Variants in TLL1 observed in about 807,000 individuals in gnomAD.
TLL1 encodes the protein tolloid-like protein 1.
Under a neutral mutation model 128.2 loss-of-function variants are expected in TLL1, and 49 were observed. That is an observed-to-expected ratio of 0.38 (90% CI 0.30 to 0.48). The LOEUF (loss-of-function observed/expected upper bound fraction) is 0.48, where lower values mean the gene tolerates loss of function less well. Among genes scored for constraint, TLL1 ranks in the 20% least tolerant of loss-of-function variants. TLL1 has a pLI of 0.96. For synonymous variants in TLL1, 454 were observed against 418.8 expected (o/e 1.08, Z -1.03); for missense variants, 1,123 against 1,242.0 (o/e 0.90, Z 1.44).
At chr4:165,986,428 CT>C (rs58501775) in intron 1 of TLL1, among the ~76,000 whole-genome samples, 9,454 of 150,674 alleles carry the variant, frequency 0.063, 894 homozygotes, top group African/African-American at 0.21. Flanking sequence ...TCTAACGTGC[CT>C]TTTTTTTTCT....
chr4:165,931,746 A>G (rs1397990799), intron 1 of TLL1, among the ~76,000 whole-genome samples: 1 of 151,976 alleles, frequency 6.6e-6, no homozygotes, highest in Non-Finnish European at 1.5e-5. Context: ...AATTGCAATG[A>G]TTAACTTCAG....
intron 1 of TLL1, among the ~76,000 whole-genome samples, chr4:165,960,719 T>C (rs971987390): frequency 7.9e-5 from 12 of 152,146 alleles, no homozygotes; most frequent in Non-Finnish European, 1.2e-4. Context: ...TATATGATCA[T>C]CTCAATAGAT....
chr4:166,074,285 C>CT (rs146029532), intron 16 of TLL1, among the ~76,000 whole-genome samples: 6,336 of 150,866 alleles, frequency 0.042, 195 homozygotes, highest in African/African-American at 0.066. Flanking sequence ...TTAATTATGC[C>CT]TTTTTTCTGC....
At chr4:166,082,498 A>G (rs890490313) in intron 18 of TLL1, among the ~76,000 whole-genome samples, 3 of 152,164 alleles carry the variant, frequency 2.0e-5, no homozygotes, top group Non-Finnish European at 4.4e-5. Context: ...ATTATTGCGT[A>G]TATCAGCCAA....
intron 1 of TLL1, among the ~76,000 whole-genome samples, chr4:165,928,640 CAT>C (rs1335732013): frequency 1.3e-5 from 2 of 152,182 alleles, no homozygotes; most frequent in African/African-American, 4.8e-5. Flanking sequence ...ATTGCTTTAA[CAT>C]ATCAAAAATT....
In TLL1 at chr4:165,954,003, A is replaced by T. The variant is rs189785342; in HGVS notation, c.170-35378A>T. On this transcript the variant is annotated intron_variant, in intron 1 of 20. Coordinates refer to ENST00000061240, the MANE Select transcript of TLL1 (RefSeq NM_012464.5). ...TTTATTTCTTTTCAATTTTACTCTG[A>T]TGGCTGAATTCCTAATTTGGATATT... Among the ~76,000 whole-genome samples the T allele has an allele frequency of 2.1e-3, 326 of 152,170 alleles. 5 individuals carry two copies. The highest frequency in any genetic ancestry group is 6.9e-4 in the Non-Finnish European group (47 of 67,982).
chr4:165,967,894 A>G (rs1008100136), intron 1 of TLL1, among the ~76,000 whole-genome samples: 1 of 152,232 alleles, frequency 6.6e-6, no homozygotes, highest in Non-Finnish European at 1.5e-5. Flanking sequence ...CTTTATATTG[A>G]GTGTATCCTT....
intron 8 of TLL1, among the ~76,000 whole-genome samples, chr4:166,024,731 A>C (rs1738415850): frequency 1.3e-5 from 2 of 152,218 alleles, no homozygotes; most frequent in South Asian, 4.1e-4. Flanking sequence ...CTCAACCGAG[A>C]AAAGTAAATA....
chr4:165,898,097 T>C (rs979476757), intron 1 of TLL1, among the ~76,000 whole-genome samples: 1 of 152,236 alleles, frequency 6.6e-6, no homozygotes, highest in Non-Finnish European at 1.5e-5. Context: ...GAGACTTTGC[T>C]GAAGTTGCTT....
At chr4:166,053,811 T>C (rs931172149) in intron 12 of TLL1, among the ~76,000 whole-genome samples, 1 of 152,190 alleles carries the variant, frequency 6.6e-6, no homozygotes, top group African/African-American at 2.4e-5. Context: ...TTTGATACTT[T>C]TCTTGGTGTT....
intron 18 of TLL1, among the ~76,000 whole-genome samples, chr4:166,089,268 G>C (rs1194124881): frequency 6.6e-6 from 1 of 152,072 alleles, no homozygotes; most frequent in Non-Finnish European, 1.5e-5. Context: ...TTCTCATAGT[G>C]GTTTCCTATC....
At chr4:166,072,483 G>A (rs1740839716) in intron 16 of TLL1, among the ~76,000 whole-genome samples, 1 of 149,544 alleles carries the variant, frequency 6.7e-6, no homozygotes, top group Non-Finnish European at 1.5e-5. Context: ...ATTATTTTTA[G>A]CACAACAAGA....
rs77136500 is a variant in TLL1 at position 165,950,619 on chromosome 4, A to T, written c.170-38762A>T. Among the ~76,000 whole-genome samples the T allele has an allele frequency of 8.8e-3, 1,345 of 152,230 alleles. 21 individuals carry two copies. Among genetic ancestry groups the T allele is most frequent in the African/African-American group, 0.03 (1,250 of 41,548 alleles). ...AACAGAAGGATATGTTAAAAATCTC[A>T]CATATTTGGAAATATTAAATAACGT... On this transcript the variant is annotated intron_variant, in intron 1 of 20. Coordinates refer to ENST00000061240, the MANE Select transcript of TLL1 (RefSeq NM_012464.5).
rs200286109 is a variant in TLL1, at chr4:165,951,876, AT to A, written c.170-37497del. ...GTTAATCTAATTGTAGTTGTTGATA[AT>A]TTTTTTTCTTTTTATAGCAATGTTG... On this transcript the variant is annotated intron_variant, in intron 1 of 20. Transcript: ENST00000061240. 3.3e-3 allele frequency among the ~76,000 whole-genome samples: 498 copies of A among 152,062 alleles called. 5 individuals carry two copies. The highest frequency in any genetic ancestry group is 0.011 in the African/African-American group (447 of 41,492).
At chr4:166,077,328 CA>C (rs1368032366) in intron 17 of TLL1, among the ~76,000 whole-genome samples, 25 of 151,538 alleles carry the variant, frequency 1.6e-4, no homozygotes, top group African/African-American at 5.6e-4. Context: ...GTTCATTTAT[CA>C]TTCCCCTTAG....
chr4:165,899,791 C>G (rs899236949), intron 1 of TLL1, among the ~76,000 whole-genome samples: 2 of 152,122 alleles, frequency 1.3e-5, no homozygotes, highest in Non-Finnish European at 2.9e-5. Flanking sequence ...AATTTTCTGT[C>G]TCGTTGATCT....
rs746555814 is a variant in TLL1 at position 165,873,998 on chromosome 4, G to C, written c.94G>C (p.Asp32His). The C allele has an allele frequency of 6.2e-7, 1 of 1,614,130 alleles. No homozygotes were observed. Among genetic ancestry groups the C allele is most frequent in the South Asian group, 1.1e-5 (1 of 91,080 alleles). ...YGELWVCAGL[D>H]YDYTFDGNEE... ...GGAGCTATGGGTCTGCGCTGGCCTC[G>C]ATTATGATTACACTTTTGATGGGAA... The change falls in exon 1 of 21, where the codon GAT becomes CAT. Residue 32 changes from aspartate to histidine, a missense_variant. Around this residue, in one of 3 missense-constraint regions of TLL1, gnomAD observed 480 missense variants for 542.4 expected, o/e 0.89. Coordinates refer to ENST00000061240, the MANE Select transcript of TLL1 (RefSeq NM_012464.5).
At chr4:166,099,706 A>G (rs1265444946) in intron 20 of TLL1, among the ~76,000 whole-genome samples, 179 bp downstream of exon 20, 1 of 151,418 alleles carries the variant, frequency 6.6e-6, no homozygotes, top group African/African-American at 2.4e-5. Flanking sequence ...TCACTTCTCC[A>G]CTTCTAATGA....
At chr4:165,931,170 A>T (rs148776265) in intron 1 of TLL1, among the ~76,000 whole-genome samples, 1 of 152,348 alleles carries the variant, frequency 6.6e-6, no homozygotes, top group African/African-American at 2.4e-5. Context: ...TGGACACAAC[A>T]ATAATTATAT....
Sources: gnomAD v4.1 joint callset for allele counts (sites outside exome capture counted in the v4.1 genomes callset) on GRCh38, gnomAD v4.1.1 for gene constraint, gnomAD v4.1.1 regional missense constraint, MANE v1.5 for transcripts, NCBI Gene and HGNC (gene_info 2026-07-23, HGNC 2026-07-21) for gene names.